HMGCLL1: variants seen among roughly 807,000 people sequenced by gnomAD.
HMGCLL1 encodes 3-hydroxy-3-methylglutaryl-CoA lyase like 1.
A neutral mutation model predicts 39.1 loss-of-function variants in HMGCLL1; 36 were observed. The ratio of observed to expected loss-of-function variants is 0.92; its 90% CI spans 0.71 to 1.22. The LOEUF (loss-of-function observed/expected upper bound fraction) is 1.22. Among genes scored for constraint, HMGCLL1 ranks in the 50% most tolerant of loss-of-function variants. The pLI, the probability that HMGCLL1 is intolerant of heterozygous loss-of-function variation, is 0.00. For missense variants in HMGCLL1, 451 were observed against 416.5 expected, an observed-to-expected ratio of 1.08 and a Z score of -0.72; for synonymous variants, 149 against 144.0, an observed-to-expected ratio of 1.03 and a Z score of -0.25.
the HMGCLL1 span, among the ~76,000 whole-genome samples, chr6:55,630,004 TG>T: frequency 6.6e-6 from 1 of 152,098 alleles, no homozygotes; most frequent in African/African-American, 2.4e-5. Context: ...GTGTCCCTAT[TG>T]GGGCACCACA....
intron 7 of HMGCLL1, among the ~76,000 whole-genome samples, chr6:55,477,760 C>G (rs1203511361): frequency 6.7e-6 from 1 of 149,636 alleles, no homozygotes; most frequent in Non-Finnish European, 1.5e-5. Context: ...ATCCCTGGAA[C>G]AAAACAAACT....
chr6:55,534,474 C>A (rs945648712), intron 3 of HMGCLL1, among the ~76,000 whole-genome samples: 1 of 152,156 alleles, frequency 6.6e-6, no homozygotes, highest in Non-Finnish European at 1.5e-5. Context: ...TTTGCCTACC[C>A]CTTAAGACAC....
chr6:55,581,845 A>G (rs1771991485), upstream of HMGCLL1, among the ~76,000 whole-genome samples: 2 of 151,836 alleles, frequency 1.3e-5, no homozygotes. Context: ...CAAGCAGAAG[A>G]AGATACGAAC....
the HMGCLL1 span, among the ~76,000 whole-genome samples, chr6:55,652,461 T>G: frequency 2.0e-5 from 3 of 152,072 alleles, no homozygotes; most frequent in African/African-American, 7.2e-5. Flanking sequence ...ATGCAGTCAT[T>G]TTAAGGAAAA....
intron 7 of HMGCLL1, among the ~76,000 whole-genome samples, chr6:55,449,428 AC>A (rs2127387606): frequency 6.6e-6 from 1 of 152,348 alleles, no homozygotes; most frequent in South Asian, 2.1e-4. Context: ...CTCAATGACC[AC>A]TTGGAGGAGA....
chr6:55,465,848 G>A (rs1336604074), intron 7 of HMGCLL1, among the ~76,000 whole-genome samples: 2 of 151,980 alleles, frequency 1.3e-5, no homozygotes, highest in Admixed American at 1.3e-4. Context: ...TGTAAAATCA[G>A]TGACACTGAA....
chr6:55,555,135 C>T (rs1770581488), intron 1 of HMGCLL1, among the ~76,000 whole-genome samples: 1 of 152,168 alleles, frequency 6.6e-6, no homozygotes, highest in South Asian at 2.1e-4. Flanking sequence ...CATGAACTTA[C>T]ATCTTACCAC....
chr6:55,605,652 G>T, the HMGCLL1 span, among the ~76,000 whole-genome samples: 1 of 152,050 alleles, frequency 6.6e-6, no homozygotes, highest in Non-Finnish European at 1.5e-5. Flanking sequence ...ATTCACAACA[G>T]CTCTCTAATT....
At chr6:55,566,859 T>A (rs1456048523) in intron 1 of HMGCLL1, among the ~76,000 whole-genome samples, 1 of 152,148 alleles carries the variant, frequency 6.6e-6, no homozygotes, top group East Asian at 1.9e-4. Flanking sequence ...CTAAAGCTAC[T>A]AATTTTACTA....
chr6:55,574,063 T>C (rs1421496442), intron 1 of HMGCLL1, among the ~76,000 whole-genome samples: 1 of 152,046 alleles, frequency 6.6e-6, no homozygotes, highest in Non-Finnish European at 1.5e-5. Flanking sequence ...ATTTTTTAGA[T>C]AAAACTTATG....
intron 7 of HMGCLL1, among the ~76,000 whole-genome samples, chr6:55,451,697 C>T (rs1033969963): frequency 7.9e-5 from 12 of 152,224 alleles, no homozygotes; most frequent in East Asian, 5.8e-4. Context: ...TAAATAACTT[C>T]CAGTTCCAAG....
chr6:55,515,879 C>A (rs1767711475), intron 4 of HMGCLL1, among the ~76,000 whole-genome samples: 1 of 152,014 alleles, frequency 6.6e-6, no homozygotes, highest in African/African-American at 2.4e-5. Context: ...CATTAATATT[C>A]ATTAATACCA....
At chr6:55,620,803 A>G in the HMGCLL1 span, among the ~76,000 whole-genome samples, 4 of 152,156 alleles carry the variant, frequency 2.6e-5, no homozygotes, top group Non-Finnish European at 4.4e-5. Flanking sequence ...TTTGATTTTT[A>G]TATGTATAAA....
At chr6:55,607,469 A>G in the HMGCLL1 span, among the ~76,000 whole-genome samples, 1 of 152,146 alleles carries the variant, frequency 6.6e-6, no homozygotes, top group Non-Finnish European at 1.5e-5. Flanking sequence ...GGGGATGCTG[A>G]CAACAGAAAG....
intron 7 of HMGCLL1, among the ~76,000 whole-genome samples, chr6:55,481,981 A>AT (rs1436274649): frequency 2.0e-5 from 3 of 151,872 alleles, no homozygotes; most frequent in Non-Finnish European, 4.4e-5. Flanking sequence ...TGTTTCTTCC[A>AT]TTTTTTCCCA....
upstream of HMGCLL1, among the ~76,000 whole-genome samples, chr6:55,580,467 G>C (rs1771960819): frequency 1.5e-5 from 2 of 133,392 alleles, no homozygotes; most frequent in Non-Finnish European, 3.1e-5. Flanking sequence ...CCAGGCTGGA[G>C]TGCAGTGGCG....
At chr6:55,640,438 T>A in the HMGCLL1 span, among the ~76,000 whole-genome samples, 4 of 151,970 alleles carry the variant, frequency 2.6e-5, no homozygotes, top group Non-Finnish European at 1.5e-5. Flanking sequence ...GAGGAGTACA[T>A]ACAGCATCAT....
chr6:55,548,472 A>G, intron 1 of HMGCLL1, among the ~76,000 whole-genome samples: 1 of 152,030 alleles, frequency 6.6e-6, no homozygotes, highest in African/African-American at 2.4e-5. Context: ...GCAAAAGAAA[A>G]TTATACAAGG....
chr6:55,669,606 C>T, the HMGCLL1 span, among the ~76,000 whole-genome samples: 4 of 151,634 alleles, frequency 2.6e-5, no homozygotes, highest in Non-Finnish European at 2.9e-5. Flanking sequence ...AAAGCCATCA[C>T]GAAGTCTTGA....
Sources: allele counts gnomAD v4.1 joint callset (sites outside exome capture counted in the v4.1 genomes callset), GRCh38; gene constraint gnomAD v4.1.1; transcripts MANE v1.5; gene names NCBI Gene and HGNC (gene_info 2026-07-23, HGNC 2026-07-21).